Variants in SCAPER observed in about 807,000 individuals in gnomAD.
SCAPER encodes S phase cyclin A-associated protein in the endoplasmic reticulum.
Under a neutral mutation model 182.2 loss-of-function variants are expected in SCAPER, and 98 were observed. The observed-to-expected ratio is 0.54, with a 90% confidence interval of 0.46 to 0.64. The LOEUF (loss-of-function observed/expected upper bound fraction) is 0.64. SCAPER is among the 30% of genes least tolerant of loss of function. The pLI is 0.00. For missense variants in SCAPER, 1,432 were observed against 1,690.0 expected, an observed-to-expected ratio of 0.85 and a Z score of 2.68; for synonymous variants, 605 against 564.6, an observed-to-expected ratio of 1.07 and a Z score of -1.01.
intron 25 of SCAPER, among the ~76,000 whole-genome samples, chr15:76,450,656 C>T (rs573035361): frequency 5.6e-4 from 85 of 152,250 alleles, no homozygotes; most frequent in African/African-American, 1.7e-3. Flanking sequence ...CTGGTTCAAA[C>T]GATTCTCGTG....
At chr15:76,662,952 T>A (rs1567733822) in intron 21 of SCAPER, among the ~76,000 whole-genome samples, 1 of 151,994 alleles carries the variant, frequency 6.6e-6, no homozygotes, top group African/African-American at 2.4e-5. Context: ...AGAAAAATAC[T>A]GATAAAGCAT....
At chr15:76,453,905 C>T (rs2048544727) in intron 25 of SCAPER, among the ~76,000 whole-genome samples, 1 of 152,114 alleles carries the variant, frequency 6.6e-6, no homozygotes, top group African/African-American at 2.4e-5. Flanking sequence ...ACTGACAGAT[C>T]AGTTATCATC....
Position 76,874,419 on chromosome 15 carries a change from A to G in SCAPER, c.6+9393T>C, listed in dbSNP as rs540710369. ...TAAAAGAGCACCATATTAAATCCCA[A>G]GAAAGGAAGTAATAAACAGCAAAAA... On this transcript the variant is annotated intron_variant, in intron 2 of 31. Coordinates refer to ENST00000563290, the MANE Select transcript of SCAPER (RefSeq NM_020843.4). 8.5e-5 allele frequency among the ~76,000 whole-genome samples: 13 copies of G among 152,312 alleles called. No homozygotes were observed. The South Asian group carries it at 2.7e-3, about 32-fold the overall frequency.
At chr15:76,697,973 T>G (rs1477042474) in intron 20 of SCAPER, among the ~76,000 whole-genome samples, 3 of 152,114 alleles carry the variant, frequency 2.0e-5, no homozygotes, top group African/African-American at 7.2e-5. Context: ...GAATATCCTT[T>G]ACAATGGGAA....
chr15:76,796,006 A>T (rs1360095377), intron 7 of SCAPER, among the ~76,000 whole-genome samples: 5 of 152,206 alleles, frequency 3.3e-5, no homozygotes, highest in Non-Finnish European at 7.3e-5. Context: ...GGTTGTAGTG[A>T]GCCAAGACTG....
intron 17 of SCAPER, among the ~76,000 whole-genome samples, chr15:76,725,536 C>G (rs1221822527): frequency 6.6e-6 from 1 of 151,882 alleles, no homozygotes. Context: ...AAAGGATCCT[C>G]AAGCCAAAAC....
At chr15:76,716,812 T>C (rs988400278) in intron 17 of SCAPER, among the ~76,000 whole-genome samples, 1 of 151,874 alleles carries the variant, frequency 6.6e-6, no homozygotes, top group Non-Finnish European at 1.5e-5. Flanking sequence ...ATTCACATTG[T>C]AGGAATCCCA....
At chr15:76,750,464 G>C (rs908050798) in intron 15 of SCAPER, among the ~76,000 whole-genome samples, 3 of 151,756 alleles carry the variant, frequency 2.0e-5, no homozygotes, top group African/African-American at 4.8e-5. Flanking sequence ...ACCAAAACCA[G>C]ACAGAAACTA....
chr15:76,874,816 T>G (rs949203083), intron 2 of SCAPER, among the ~76,000 whole-genome samples: 3 of 151,604 alleles, frequency 2.0e-5, no homozygotes, highest in African/African-American at 4.8e-5. Flanking sequence ...AAAAAACAAA[T>G]AGCCAGGCAT....
chr15:76,874,847 C>CA (rs2073029911), intron 2 of SCAPER, among the ~76,000 whole-genome samples: 2 of 152,080 alleles, frequency 1.3e-5, no homozygotes, highest in South Asian at 4.2e-4. Context: ...CCTCTAGTCC[C>CA]AGCTACTCAG....
intron 15 of SCAPER, among the ~76,000 whole-genome samples, chr15:76,742,048 G>A (rs905748411): frequency 6.6e-6 from 1 of 152,096 alleles, no homozygotes; most frequent in Non-Finnish European, 1.5e-5. Context: ...GACAGTAAAG[G>A]ATTGGTTAGA....
intron 21 of SCAPER, among the ~76,000 whole-genome samples, chr15:76,642,429 ATTC>A (rs1276342879): frequency 2.6e-5 from 4 of 152,194 alleles, no homozygotes; most frequent in Non-Finnish European, 4.4e-5. Flanking sequence ...TTTTATTTTT[ATTC>A]TTCAATTTAA....
chr15:76,838,592 G>T (rs759815093), intron 5 of SCAPER, among the ~76,000 whole-genome samples: 2 of 152,124 alleles, frequency 1.3e-5, no homozygotes, highest in African/African-American at 2.4e-5. Flanking sequence ...AGCTGGCACA[G>T]GCTACTCCAG....
In SCAPER at chr15:76,410,702, A is replaced by G. The variant is rs146079419; in HGVS notation, c.3312-6023T>C. On this transcript the variant is annotated intron_variant, in intron 26 of 31. Transcript: ENST00000563290. The stretch of plus-strand genomic sequence containing the variant: ...GCCTGACCTGAGTCTCAGCCTCTTT[A>G]TATCTACCCCACTAGTAAAGTTGAT... Among the ~76,000 whole-genome samples, 501 of 152,232 alleles carry G rather than the reference A, an allele frequency of 3.3e-3. 2 individuals carry two copies. The highest frequency in any genetic ancestry group is 0.011 in the African/African-American group (476 of 41,532).
intron 26 of SCAPER, among the ~76,000 whole-genome samples, chr15:76,433,722 G>A (rs1386689422): frequency 6.6e-6 from 1 of 152,078 alleles, no homozygotes; most frequent in South Asian, 2.1e-4. Flanking sequence ...CTACAAAACT[G>A]TTTTAAAAAA....
At chr15:76,769,442 C>CAAAAAAA (rs36078656) in intron 10 of SCAPER, among the ~76,000 whole-genome samples, 1 of 69,954 alleles carries the variant, frequency 1.4e-5, no homozygotes, top group African/African-American at 5.3e-5. Flanking sequence ...GACTCTGTCT[C>CAAAAAAA]AAAAAAAAAA....
chr15:76,463,904 C>T (rs1393843773), intron 25 of SCAPER, among the ~76,000 whole-genome samples: 1 of 151,828 alleles, frequency 6.6e-6, no homozygotes, highest in South Asian at 2.1e-4. Context: ...GATCCTTTTC[C>T]ACATCTCAAT....
chr15:76,894,299 C>T (rs2074313152), intron 1 of SCAPER, among the ~76,000 whole-genome samples: 1 of 151,766 alleles, frequency 6.6e-6, no homozygotes, highest in Non-Finnish European at 1.5e-5. Context: ...GATGTGAACA[C>T]CTGTAATCTC....
intron 27 of SCAPER, among the ~76,000 whole-genome samples, chr15:76,381,960 G>C (rs2042971974): frequency 6.6e-6 from 1 of 152,088 alleles, no homozygotes; most frequent in Non-Finnish European, 1.5e-5. Context: ...AAAGCTTTTG[G>C]GACTCAGAGG....
Sources: allele counts gnomAD v4.1 joint callset (sites outside exome capture counted in the v4.1 genomes callset), GRCh38; gene constraint gnomAD v4.1.1; transcripts MANE v1.5; gene names NCBI Gene and HGNC (gene_info 2026-07-23, HGNC 2026-07-21).